SCLT1: variants seen among roughly 807,000 people sequenced by gnomAD.
The protein encoded by SCLT1 is sodium channel-associated protein 1.
Under a neutral mutation model 112.8 loss-of-function variants are expected in SCLT1, and 78 were observed. That is an observed-to-expected ratio of 0.69 (90% CI 0.58 to 0.83). The LOEUF is 0.83. Among genes scored for constraint, SCLT1 ranks in the 40% least tolerant of loss-of-function variants. The probability of loss-of-function intolerance (pLI) is 0.00; values close to 1 mark genes in which losing one functional copy is unlikely to be tolerated. For synonymous variants in SCLT1, 257 were observed against 254.7 expected (o/e 1.01, Z -0.09); for missense variants, 747 against 770.4 (o/e 0.97, Z 0.36).
At chr4:129,084,897 A>G (rs1022723132) in intron 1 of SCLT1, among the ~76,000 whole-genome samples, 4 of 152,234 alleles carry the variant, frequency 2.6e-5, no homozygotes, top group African/African-American at 9.6e-5. Flanking sequence ...ACTTAAATGT[A>G]AAACCCCAAA....
At chr4:128,927,186 A>C (rs945696241) in intron 18 of SCLT1, among the ~76,000 whole-genome samples, 1 of 152,118 alleles carries the variant, frequency 6.6e-6, no homozygotes, top group African/African-American at 2.4e-5. Flanking sequence ...ACAATTAAGA[A>C]AAAAATAACT....
chr4:128,956,795 TGGAGGG>T (rs1739252278), intron 13 of SCLT1, among the ~76,000 whole-genome samples: 1 of 152,092 alleles, frequency 6.6e-6, no homozygotes, highest in Admixed American at 6.5e-5. Context: ...TTTTATCCAG[TGGAGGG>T]CTATACAGTA....
At chr4:129,077,424 A>G (rs1751561828) in intron 2 of SCLT1, among the ~76,000 whole-genome samples, 2 of 152,304 alleles carry the variant, frequency 1.3e-5, no homozygotes, top group Non-Finnish European at 2.9e-5. Context: ...AAAAGTAAGA[A>G]CTACTTGTAT....
chr4:129,051,391 TC>T (rs1350217094), intron 2 of SCLT1, among the ~76,000 whole-genome samples: 1 of 152,234 alleles, frequency 6.6e-6, no homozygotes, highest in Non-Finnish European at 1.5e-5. Flanking sequence ...TTGTGTCCTC[TC>T]TTATTTCCTT....
rs56069250 is a variant in SCLT1 at position 128,969,277 on chromosome 4, A to G, written c.777+1101T>C. Among the ~76,000 whole-genome samples the G allele has an allele frequency of 3.7e-3, 570 of 152,118 alleles. 1 individual carries two copies. The highest frequency in any genetic ancestry group is 0.011 in the African/African-American group (471 of 41,510). The stretch of plus-strand genomic sequence containing the variant: ...TCTTGCTGCCAGTATTTCTTCTTTA[A>G]ATTTCCTATTGCTGGCCGGGCGCGG... On this transcript the variant is annotated intron_variant, in intron 10 of 20. Coordinates refer to ENST00000281142, the MANE Select transcript of SCLT1 (RefSeq NM_144643.4).
chr4:128,895,734 G>A (rs887334503), intron 18 of SCLT1, among the ~76,000 whole-genome samples: 1 of 152,220 alleles, frequency 6.6e-6, no homozygotes, highest in East Asian at 1.9e-4. Context: ...GAAGCAGGGC[G>A]AGGCATTGCC....
At chr4:128,966,977 C>T (rs1033748212) in intron 10 of SCLT1, among the ~76,000 whole-genome samples, 6 of 151,806 alleles carry the variant, frequency 4.0e-5, no homozygotes, top group Non-Finnish European at 7.4e-5. Context: ...AGCATAGTAC[C>T]TGATAGGTAG....
intron 11 of SCLT1, among the ~76,000 whole-genome samples, chr4:128,961,034 T>G (rs1739679618): frequency 6.6e-6 from 1 of 151,522 alleles, no homozygotes; most frequent in Non-Finnish European, 1.5e-5. Context: ...TTGTTGTTGT[T>G]GCCTATTGAC....
chr4:128,975,040 C>CTTTTTTTTTTTTTTTTT lies in SCLT1; in HGVS notation c.687-4573_687-4572insAAAAAAAAAAAAAAAAA, dbSNP rs34603915. Among the ~76,000 whole-genome samples, 56 of 87,030 alleles carry CTTTTTTTTTTTTTTTTT rather than the reference C, an allele frequency of 6.4e-4. 6 individuals carry two copies. Among genetic ancestry groups the CTTTTTTTTTTTTTTTTT allele is most frequent in the African/African-American group, 1.2e-3 (23 of 18,516 alleles). 57.1% of individuals were successfully genotyped at this position (87,030 alleles called of 152,430 possible). A position where few individuals can be genotyped will look rare whatever the true frequency, so the allele number is the denominator to read the frequency against. On this transcript the variant is annotated intron_variant, in intron 9 of 20. Coordinates refer to ENST00000281142, the MANE Select transcript of SCLT1 (RefSeq NM_144643.4). ...GATATTAAACAGATTTGAATGACAA[C>CTTTTTTTTTTTTTTTTT]TTTTTTTTTTTTTTTTGAGATGGAG...
At chr4:128,975,467 TAC>T (rs879406647) in intron 9 of SCLT1, among the ~76,000 whole-genome samples, 2 of 152,186 alleles carry the variant, frequency 1.3e-5, no homozygotes, top group South Asian at 2.1e-4. Context: ...TAATTATCAA[TAC>T]ACTTTTTTGA....
At chr4:128,943,235 T>G (rs766654222) in intron 16 of SCLT1, 47 bp from the exon 17 acceptor site, 2 of 1,299,006 alleles carry the variant, frequency 1.5e-6, no homozygotes, top group South Asian at 2.7e-5. Flanking sequence ...TAATGATCTA[T>G]AGTAGAAGAT....
At chr4:128,915,983 T>C (rs1395081881) in intron 18 of SCLT1, among the ~76,000 whole-genome samples, 1 of 152,248 alleles carries the variant, frequency 6.6e-6, no homozygotes, top group Non-Finnish European at 1.5e-5. Flanking sequence ...CTTGTGTTTC[T>C]AGCATTTAGC....
intron 1 of SCLT1, among the ~76,000 whole-genome samples, chr4:129,090,094 G>C (rs1007184618): frequency 2.0e-5 from 3 of 152,086 alleles, no homozygotes; most frequent in African/African-American, 4.8e-5. Context: ...ATTTACAGTA[G>C]TATCAAAAAT....
intron 9 of SCLT1, among the ~76,000 whole-genome samples, chr4:128,985,905 T>A (rs1742050710): frequency 6.6e-6 from 1 of 152,112 alleles, no homozygotes; most frequent in South Asian, 2.1e-4. Context: ...AATATTTCTC[T>A]AAGGAGAGGA....
At chr4:128,947,512 C>T (rs141343614) in intron 15 of SCLT1, among the ~76,000 whole-genome samples, 11 of 152,078 alleles carry the variant, frequency 7.2e-5, no homozygotes, top group South Asian at 2.1e-4. Flanking sequence ...ATAATTTTTA[C>T]GCTACATAGC....
In SCLT1 at chr4:128,891,973, A is replaced by G. The variant is rs138675135; in HGVS notation, c.1830-836T>C. Among the ~76,000 whole-genome samples, 311 of 152,232 alleles carry G rather than the reference A, an allele frequency of 2.0e-3. 1 individual carries two copies. The highest frequency in any genetic ancestry group is 7.1e-3 in the African/African-American group (294 of 41,542). ...GTATGCATTTGTAAGATTCATATAC[A>G]GTGCTTTTTAGGGGAGCTCAACTCT... On this transcript the variant is annotated intron_variant, in intron 18 of 20. Coordinates refer to ENST00000281142, the MANE Select transcript of SCLT1 (RefSeq NM_144643.4).
At chr4:128,954,898 C>T (rs1739092244) in intron 13 of SCLT1, among the ~76,000 whole-genome samples, 1 of 152,162 alleles carries the variant, frequency 6.6e-6, no homozygotes, top group Non-Finnish European at 1.5e-5. Flanking sequence ...ATAAGCCTGT[C>T]ATGTCTGTCG....
intron 18 of SCLT1, among the ~76,000 whole-genome samples, chr4:128,914,673 T>C (rs1471712978): frequency 2.0e-5 from 3 of 152,082 alleles, no homozygotes; most frequent in Admixed American, 6.6e-5. Context: ...AAGCTGACTA[T>C]AGAGGTGCAC....
chr4:129,023,142 G>A (rs547325921), intron 5 of SCLT1, among the ~76,000 whole-genome samples: 1 of 152,252 alleles, frequency 6.6e-6, no homozygotes, highest in East Asian at 1.9e-4. Flanking sequence ...AGCTCCTGAA[G>A]GAAGCACTAA....
Sources: allele counts gnomAD v4.1 joint callset (sites outside exome capture counted in the v4.1 genomes callset), GRCh38; gene constraint gnomAD v4.1.1; transcripts MANE v1.5; gene names NCBI Gene and HGNC (gene_info 2026-07-23, HGNC 2026-07-21).